The following RAB28 variants were observed in gnomAD, a reference collection of about 807,000 sequenced individuals.
RAB28 encodes the protein RAB28, member RAS oncogene family, also known as ras-related protein Rab-28.
A neutral mutation model predicts 31.7 loss-of-function variants in RAB28; 24 were observed. That is an observed-to-expected ratio of 0.76 (90% CI 0.55 to 1.06). The LOEUF (loss-of-function observed/expected upper bound fraction) is 1.06. Among genes scored for constraint, RAB28 ranks in the 50% least tolerant of loss-of-function variants. The pLI, the probability that RAB28 is intolerant of heterozygous loss-of-function variation, is 0.00. For synonymous variants in RAB28, 100 were observed against 90.4 expected (o/e 1.11, Z -0.60); for missense variants, 254 against 258.5 (o/e 0.98, Z 0.12).
At chr4:13,461,132 T>C (rs1715571092) in intron 3 of RAB28, among the ~76,000 whole-genome samples, 1 of 152,078 alleles carries the variant, frequency 6.6e-6, no homozygotes, top group Admixed American at 6.6e-5. Context: ...TATAAGAAAA[T>C]CATATCAAAG....
At chr4:13,450,725 T>C (rs1714926659) in intron 4 of RAB28, among the ~76,000 whole-genome samples, 1 of 151,800 alleles carries the variant, frequency 6.6e-6, no homozygotes, top group African/African-American at 2.4e-5. Context: ...GTGGCTCCTT[T>C]AGAACGAAAC....
At position 13,460,751 on chromosome 4, in the gene RAB28, T is replaced by C. The variant is rs757606665; in HGVS notation, c.339A>G (p.Lys113=). Residue 113 remains lysine, a synonymous_variant, in exon 4 of 7, where the codon AAA becomes AAG. Transcript: ENST00000330852. ...GCTGAGTTTCTGACTCCTCGCTCAC[T>C]TTCTTCACCACAGTATACCAATCTT... ...NLEDWYTVVK[K]VSEESETQPL... 1 of 1,614,088 alleles carries C rather than the reference T, an allele frequency of 6.2e-7. No homozygotes were observed. Among genetic ancestry groups the C allele is most frequent in the Non-Finnish European group, 8.5e-7 (1 of 1,179,956 alleles).
chr4:13,398,777 CAAA>C (rs869245506), intron 4 of RAB28, among the ~76,000 whole-genome samples: 3 of 74,792 alleles, frequency 4.0e-5, no homozygotes, highest in Non-Finnish European at 3.0e-5. Flanking sequence ...GACTCCGTTT[CAAA>C]AAAAAAAAAA....
chr4:13,374,907 C>G (rs1227684169), intron 6 of RAB28, among the ~76,000 whole-genome samples: 1 of 152,096 alleles, frequency 6.6e-6, no homozygotes, highest in African/African-American at 2.4e-5. Flanking sequence ...ATTCATAAAT[C>G]CCCAAAATCT....
At chr4:13,406,761 A>G (rs954673406) in intron 4 of RAB28, among the ~76,000 whole-genome samples, 4 of 152,222 alleles carry the variant, frequency 2.6e-5, no homozygotes, top group African/African-American at 7.2e-5. Flanking sequence ...AGTGATGAAG[A>G]GCTTTTTTCA....
At chr4:13,475,904 T>C (rs796727062) in intron 2 of RAB28, among the ~76,000 whole-genome samples, 4 of 151,684 alleles carry the variant, frequency 2.6e-5, no homozygotes, top group African/African-American at 9.6e-5. Flanking sequence ...TAGCCATCAC[T>C]AAGAAGTATA....
intron 5 of RAB28, among the ~76,000 whole-genome samples, chr4:13,380,776 C>T (rs867633193): frequency 2.0e-5 from 3 of 151,780 alleles, no homozygotes; most frequent in Non-Finnish European, 4.4e-5. Context: ...CAAAAGCTTA[C>T]GGACAAAATT....
intron 4 of RAB28, among the ~76,000 whole-genome samples, chr4:13,392,121 C>T (rs1023599551): frequency 6.6e-6 from 1 of 152,180 alleles, no homozygotes; most frequent in African/African-American, 2.4e-5. Flanking sequence ...AAAGTTGTCA[C>T]TTTTATCCTC....
At chr4:13,465,151 G>T (rs1715779143) in intron 3 of RAB28, among the ~76,000 whole-genome samples, 2 of 151,978 alleles carry the variant, frequency 1.3e-5, no homozygotes. Flanking sequence ...TTAAAGAACA[G>T]TGGGACAGTC....
intron 3 of RAB28, among the ~76,000 whole-genome samples, chr4:13,465,289 A>C (rs1715784379): frequency 1.3e-5 from 2 of 152,036 alleles, no homozygotes; most frequent in Admixed American, 6.6e-5. Flanking sequence ...CATATTTAAG[A>C]ATCTCAGAGA....
At chr4:13,389,811 A>G (rs1014308011) in intron 4 of RAB28, among the ~76,000 whole-genome samples, 1 of 152,216 alleles carries the variant, frequency 6.6e-6, no homozygotes, top group African/African-American at 2.4e-5. Context: ...CAAAAACCAC[A>G]TGATTATCTC....
chr4:13,371,844 T>A, intron 6 of RAB28: 1 of 1,546,982 alleles, frequency 6.5e-7, no homozygotes, highest in Non-Finnish European at 8.7e-7. Context: ...TATTAGTTGA[T>A]GAAATGAAAA....
chr4:13,417,127 C>T (rs1250605606), intron 4 of RAB28, among the ~76,000 whole-genome samples: 1 of 152,234 alleles, frequency 6.6e-6, no homozygotes, highest in East Asian at 1.9e-4. Flanking sequence ...TAGAGCCTTG[C>T]TCACTAGCAG....
chr4:13,460,922 G>A, intron 3 of RAB28, 94 bp from the exon 4 acceptor site: 1 of 1,199,528 alleles, frequency 8.3e-7, no homozygotes, highest in South Asian at 1.5e-5. Flanking sequence ...TGTCAAAATG[G>A]GTATAAAAAT....
intron 3 of RAB28, among the ~76,000 whole-genome samples, chr4:13,463,105 A>G (rs889475931): frequency 2.6e-5 from 4 of 152,164 alleles, no homozygotes; most frequent in African/African-American, 7.2e-5. Flanking sequence ...GCAATTGTAG[A>G]TTTTTCTTGT....
At chr4:13,479,743 T>C (rs969897841) in intron 1 of RAB28, among the ~76,000 whole-genome samples, 1 of 151,618 alleles carries the variant, frequency 6.6e-6, no homozygotes. Context: ...AACTAATGAG[T>C]TAGATCTCTT....
intron 4 of RAB28, among the ~76,000 whole-genome samples, chr4:13,394,608 G>A (rs1006129431): frequency 6.6e-6 from 1 of 152,144 alleles, no homozygotes. Flanking sequence ...CGAAAAAACT[G>A]TTTAAGTCAT....
chr4:13,472,146 T>G (rs1171066511), intron 3 of RAB28, among the ~76,000 whole-genome samples: 1 of 151,926 alleles, frequency 6.6e-6, no homozygotes, highest in East Asian at 1.9e-4. Flanking sequence ...ATACTTTATT[T>G]TTTATTTATT....
intron 4 of RAB28, among the ~76,000 whole-genome samples, chr4:13,395,165 C>A (rs890205620): frequency 8.5e-5 from 13 of 152,184 alleles, no homozygotes; most frequent in Non-Finnish European, 1.6e-4. Context: ...ACAATAAAGA[C>A]AAACTTTAAA....
Sources: gnomAD v4.1 joint callset for allele counts (sites outside exome capture counted in the v4.1 genomes callset) on GRCh38, gnomAD v4.1.1 for gene constraint, MANE v1.5 for transcripts, NCBI Gene and HGNC (gene_info 2026-07-23, HGNC 2026-07-21) for gene names.